Variants in PACS2 observed in about 807,000 individuals in gnomAD.
PACS2 encodes the protein PACS1-like protein.
Under a neutral mutation model 113.0 loss-of-function variants are expected in PACS2, and 36 were observed. That is an observed-to-expected ratio of 0.32 (90% CI 0.24 to 0.42). The LOEUF (loss-of-function observed/expected upper bound fraction) is 0.42, where lower values mean the gene tolerates loss of function less well. Among genes scored for constraint, PACS2 ranks in the 10% least tolerant of loss-of-function variants. PACS2 has a pLI of 1.00. For synonymous variants in PACS2, 589 were observed against 536.1 expected (o/e 1.10, Z -1.36); for missense variants, 1,015 against 1,239.5 (o/e 0.82, Z 2.72).
chr14:105,329,641 G>A lies in PACS2; in HGVS notation c.119+14604G>A, dbSNP rs587695220. ...TGGGCTTGGGGGCGGGGCTTCTCAC[G>A]ATGGCTCAGGGAGGTCCAGACAGCC... On this transcript the variant is annotated intron_variant, in intron 1 of 24. Transcript: ENST00000447393. This position sits in a 1 kb window ranked among gnomAD's most constrained non-coding sequence, Gnocchi z 6.4. Among the ~76,000 whole-genome samples the A allele has an allele frequency of 7.4e-3, 1,130 of 152,266 alleles. 13 individuals carry two copies. The highest frequency in any genetic ancestry group is 0.012 in the Non-Finnish European group (808 of 67,986).
At position 105,317,377 on chromosome 14, in the gene PACS2, G is replaced by T. The variant is rs587689715; in HGVS notation, c.119+2340G>T. Among the ~76,000 whole-genome samples the T allele has an allele frequency of 5.7e-4, 87 of 152,288 alleles. No individual in the cohort carries two copies. The highest frequency in any genetic ancestry group is 2.0e-3 in the African/African-American group (82 of 41,570). ...CCAGCTACCAGGATTTATGGTGGGGGTGTGCACGCACTCAGCGTTACTGCT... is the reference window on the plus strand; with the variant it reads ...CCAGCTACCAGGATTTATGGTGGGGTTGTGCACGCACTCAGCGTTACTGCT... On this transcript the variant is annotated intron_variant, in intron 1 of 24. Transcript: ENST00000447393. The surrounding 1 kb of genome is among the most constrained non-coding windows in gnomAD (Gnocchi z 4.2).
intron 1 of PACS2, among the ~76,000 whole-genome samples, chr14:105,307,607 TC>T (rs912916850): frequency 2.6e-5 from 4 of 152,138 alleles, no homozygotes; most frequent in African/African-American, 9.7e-5. Context: ...AATAGCCCTG[TC>T]CCCCCATGCA....
intron 7 of PACS2, 86 bp from the exon 8 acceptor site, chr14:105,369,755 G>T (rs2061081244): frequency 4.7e-5 from 57 of 1,204,778 alleles, no homozygotes; most frequent in Non-Finnish European, 6.5e-5. Flanking sequence ...GGCGGGCCTG[G>T]GTGCGGCCTG....
rs147461490 is a variant in PACS2, at chr14:105,391,685, C to A, written c.2174C>A (p.Pro725Gln). Reference protein sequence around the residue: ...SGSGTLSSTPPSASPAAKEAS... With the variant: ...SGSGTLSSTPQSASPAAKEAS... Reference sequence around the variant, plus strand: ...TCTGGCACGCTCTCCTCCACCCCGCCGTCCGCATCTCCTGCGGCCAAGGAG... The same window carrying A: ...TCTGGCACGCTCTCCTCCACCCCGCAGTCCGCATCTCCTGCGGCCAAGGAG... Residue 725 changes from proline to glutamine, a missense_variant, in exon 22 of 25, where the codon CCG becomes CAG. This residue lies in a region of PACS2 where 859 missense variants were observed against 1,056.8 expected (regional missense o/e 0.81). Coordinates refer to ENST00000447393, the MANE Select transcript of PACS2 (RefSeq NM_001100913.3). The A allele has an allele frequency of 6.2e-7, 1 of 1,608,340 alleles. No homozygotes were observed. Among genetic ancestry groups the A allele is most frequent in the South Asian group, 1.1e-5 (1 of 90,168 alleles).
intron 1 of PACS2, among the ~76,000 whole-genome samples, chr14:105,332,669 G>GCCTCTGCCTGGT (rs2059349205): frequency 6.6e-6 from 1 of 152,192 alleles, no homozygotes; most frequent in Non-Finnish European, 1.5e-5. Context: ...TCTCTGCGGG[G>GCCTCTGCCTGGT]CCTCTGCCTG....
At chr14:105,302,153 A>T (rs72711566) in intron 1 of PACS2, among the ~76,000 whole-genome samples, 4,874 of 151,518 alleles carry the variant, frequency 0.032, 146 homozygotes, top group African/African-American at 0.074. Flanking sequence ...TCTCAAAAAA[A>T]AAAAAGAGAA....
At position 105,304,012 on chromosome 14, in the gene PACS2, G is replaced by C. The variant is rs2058105474; in HGVS notation, c.-83+3033G>C. On this transcript the variant is annotated intron_variant, in intron 1 of 23. Coordinates refer to the PACS2 transcript ENST00000430725. ...TTGCTCTCACCTGACAGACTAGAGG[G>C]GTTATTTCGTGTGCTCCCTCACCAA... Among the ~76,000 whole-genome samples the C allele has an allele frequency of 3.3e-5, 5 of 152,252 alleles. No individual in the cohort carries two copies. The South Asian group carries it at 1.0e-3, about 31-fold the overall frequency.
chr14:105,384,095 C>A, intron 16 of PACS2: 1 of 497,496 alleles, frequency 2.0e-6, no homozygotes, highest in Non-Finnish European at 3.6e-6. Flanking sequence ...TGCACGGTCA[C>A]ATGTGCCCTG....
chr14:105,355,244 G>A lies in PACS2; in HGVS notation c.423+67G>A. The stretch of plus-strand genomic sequence containing the variant: ...CTGGGTGCCAGAGCATTCGCCCGTG[G>A]GAGATGGAGATGTCTCTCCCGGGTC... On this transcript the variant is annotated intron_variant, in intron 4 of 24. Transcript: ENST00000447393. This position sits in a 1 kb window ranked among gnomAD's most constrained non-coding sequence, Gnocchi z 4.1. The A allele has an allele frequency of 1.3e-6, 2 of 1,527,974 alleles. No individual in the cohort carries two copies. Among genetic ancestry groups the A allele is most frequent in the Non-Finnish European group, 1.8e-6 (2 of 1,126,384 alleles). The allele number at this position is 1,527,974 out of a possible 1,614,324, so 94.7% of individuals were successfully genotyped here.
intron 1 of PACS2, among the ~76,000 whole-genome samples, chr14:105,333,377 G>A (rs978037951): frequency 6.6e-6 from 1 of 152,246 alleles, no homozygotes; most frequent in Non-Finnish European, 1.5e-5. Context: ...TGGCGCCACT[G>A]CTGTGTTAGC....
intron 3 of PACS2, among the ~76,000 whole-genome samples, chr14:105,353,483 A>T (rs137864600): frequency 3.7e-4 from 56 of 151,732 alleles, no homozygotes; most frequent in African/African-American, 1.3e-3. Flanking sequence ...TTGTCTCATC[A>T]TTGCCATCAG....
chr14:105,310,398 C>T (rs2058318543), upstream of PACS2, among the ~76,000 whole-genome samples: 1 of 151,846 alleles, frequency 6.6e-6, no homozygotes, highest in African/African-American at 2.4e-5. Context: ...GGCGTGGTGG[C>T]AGGCGCCTGT....
rs2081154660 is a variant in PACS2, at chr14:105,385,729, TG to T, written c.2033+15del. The T allele has an allele frequency of 6.7e-7, 1 of 1,493,400 alleles. No individual in the cohort carries two copies. The highest frequency in any genetic ancestry group is 8.9e-7 in the Non-Finnish European group (1 of 1,119,340). 92.5% of individuals were successfully genotyped at this position (1,493,400 alleles called of 1,614,324 possible). On this transcript the variant is annotated intron_variant, in intron 19 of 24. Coordinates refer to ENST00000447393, the MANE Select transcript of PACS2 (RefSeq NM_001100913.3). ...GACTTTACCCTAAGGTACGGCTCTG[TG>T]GGTCTGCCTCCCACCCTGTCTGTCC... is the stretch of plus-strand genomic sequence containing the variant.
rs1445192866 is a variant in PACS2 at position 105,376,614 on chromosome 14, A to G, written c.802-154A>G. On this transcript the variant is annotated intron_variant, in intron 8 of 24. Coordinates refer to ENST00000447393, the MANE Select transcript of PACS2 (RefSeq NM_001100913.3). This position sits in a 1 kb window ranked among gnomAD's most constrained non-coding sequence, Gnocchi z 4.7. Reference sequence around the variant, plus strand: ...TCCTCGGTGATCATCCCGAGCTCCAAGACAGAAGCTGGACTACAGCCGTGC... The same window carrying G: ...TCCTCGGTGATCATCCCGAGCTCCAGGACAGAAGCTGGACTACAGCCGTGC... 6.6e-6 allele frequency among the ~76,000 whole-genome samples: 1 copy of G among 152,104 alleles called. No individual in the cohort carries two copies. The highest frequency in any genetic ancestry group is 1.5e-5 in the Non-Finnish European group (1 of 67,982).
In PACS2 at chr14:105,395,899, C is replaced by G. The variant is rs1372935907; in HGVS notation, c.*1227C>G. 20 of 152,464 alleles carry G rather than the reference C, an allele frequency of 1.3e-4. No individual in the cohort carries two copies. The highest frequency in any genetic ancestry group is 4.8e-4 in the African/African-American group (20 of 41,572). The allele number at this position is 152,464 out of a possible 1,614,324, so 9.4% of individuals were successfully genotyped here. On this transcript the variant is annotated 3_prime_UTR_variant, in exon 25 of 25. Transcript: ENST00000447393. ...GTCTCCATAGGAGGAGCTGGGGAAG[C>G]TGGGGCCCTCCCAGGGGTCCTGATC...
Position 105,366,499 on chromosome 14 carries a change from G to A in PACS2, c.424-714G>A, listed in dbSNP as rs1327661087. Among the ~76,000 whole-genome samples the A allele has an allele frequency of 1.3e-5, 2 of 152,226 alleles. No individual in the cohort carries two copies. Among genetic ancestry groups the A allele is most frequent in the Admixed American group, 1.3e-4 (2 of 15,292 alleles). On this transcript the variant is annotated intron_variant, in intron 4 of 24. Coordinates refer to ENST00000447393, the MANE Select transcript of PACS2 (RefSeq NM_001100913.3). The surrounding 1 kb of genome is among the most constrained non-coding windows in gnomAD (Gnocchi z 4.3). ...CATGGCGTGTGGTTCTGAGGCTGGC[G>A]TGGGGCACGGCGGGGCTGTGCCTGG...
upstream of PACS2, among the ~76,000 whole-genome samples, chr14:105,313,030 C>T (rs757639909): frequency 2.6e-5 from 4 of 152,152 alleles, no homozygotes; most frequent in African/African-American, 4.8e-5. Context: ...GGGCTCACAA[C>T]GGTGCCTGGC....
chr14:105,318,567 A>G (rs1208223500), intron 1 of PACS2, among the ~76,000 whole-genome samples: 1 of 151,348 alleles, frequency 6.6e-6, no homozygotes, highest in East Asian at 1.9e-4. Flanking sequence ...TTCCTGCCTC[A>G]GCCTCCCAAG....
intron 15 of PACS2, 87 bp downstream of exon 15, chr14:105,383,000 G>A: frequency 1.3e-6 from 1 of 789,970 alleles, no homozygotes; most frequent in Non-Finnish European, 2.1e-6. Flanking sequence ...CCGGGGCTAG[G>A]TGCGTCCTGG....
Sources: gnomAD v4.1 joint callset for allele counts (sites outside exome capture counted in the v4.1 genomes callset) on GRCh38, gnomAD v4.1.1 for gene constraint, gnomAD v4.1.1 regional missense constraint, Gnocchi (gnomAD v3.1) non-coding constraint, MANE v1.5 for transcripts, NCBI Gene and HGNC (gene_info 2026-07-23, HGNC 2026-07-21) for gene names.